Variants in DZANK1 observed in about 807,000 individuals in gnomAD.
The protein encoded by DZANK1 is double zinc ribbon and ankyrin repeat-containing protein 1.
Under a neutral mutation model 94.5 loss-of-function variants are expected in DZANK1, and 91 were observed. The ratio of observed to expected loss-of-function variants is 0.96; its 90% CI spans 0.81 to 1.15. The LOEUF (loss-of-function observed/expected upper bound fraction) is 1.15, where lower values mean the gene tolerates loss of function less well. DZANK1 is among the 50% of genes most tolerant of loss of function. The pLI is 0.00. For missense variants in DZANK1, 903 were observed against 916.4 expected, an observed-to-expected ratio of 0.99 and a Z score of 0.19; for synonymous variants, 312 against 325.3, an observed-to-expected ratio of 0.96 and a Z score of 0.44.
At chr20:18,409,872 A>G (rs1190211048) in intron 13 of DZANK1, among the ~76,000 whole-genome samples, 1 of 152,076 alleles carries the variant, frequency 6.6e-6, no homozygotes, top group Non-Finnish European at 1.5e-5. Context: ...GATCGAGACT[A>G]TTCTGGCTAA....
intron 10 of DZANK1, among the ~76,000 whole-genome samples, chr20:18,419,585 A>G (rs1174852577): frequency 4.6e-5 from 7 of 152,242 alleles, no homozygotes; most frequent in Non-Finnish European, 8.8e-5. Flanking sequence ...TTTGATTTAC[A>G]TTTGACTTTT....
intron 8 of DZANK1, among the ~76,000 whole-genome samples, chr20:18,438,576 T>C (rs1008902119): frequency 2.0e-5 from 3 of 152,180 alleles, no homozygotes; most frequent in Admixed American, 2.0e-4. Context: ...TTAAGAAATA[T>C]TAGCATAGAC....
At chr20:18,422,259 A>C (rs138969158) in intron 10 of DZANK1, among the ~76,000 whole-genome samples, 41 of 152,324 alleles carry the variant, frequency 2.7e-4, no homozygotes, top group African/African-American at 9.1e-4. Flanking sequence ...TTCTGCATGT[A>C]AATATCCAGT....
At chr20:18,463,641 TATC>T (rs1183535119) in intron 2 of DZANK1, among the ~76,000 whole-genome samples, 2 of 152,240 alleles carry the variant, frequency 1.3e-5, no homozygotes, top group Non-Finnish European at 2.9e-5. Flanking sequence ...CTACCATTCA[TATC>T]ATCTTTTGTC....
At chr20:18,453,648 A>G (rs1489135450) in intron 5 of DZANK1, 83 bp downstream of exon 5, 1 of 969,992 alleles carries the variant, frequency 1.0e-6, no homozygotes, top group African/African-American at 1.6e-5. Context: ...TTCTCCAGAC[A>G]AGAAAACATG....
chr20:18,443,251 A>G, intron 8 of DZANK1, 96 bp downstream of exon 8: 1 of 829,586 alleles, frequency 1.2e-6, no homozygotes, highest in Admixed American at 2.2e-5. Context: ...ACAAGTATTT[A>G]TATGTGCAGT....
intron 9 of DZANK1, among the ~76,000 whole-genome samples, chr20:18,427,851 C>T (rs1034860725): frequency 3.3e-5 from 5 of 152,064 alleles, no homozygotes; most frequent in Non-Finnish European, 1.5e-5. Flanking sequence ...GAAAAGACTG[C>T]CAAAGAAAGA....
At chr20:18,445,572 C>T (rs1273435691) in intron 7 of DZANK1, among the ~76,000 whole-genome samples, 1 of 152,134 alleles carries the variant, frequency 6.6e-6, no homozygotes, top group Admixed American at 6.5e-5. Context: ...CCAATCAAAT[C>T]ATATATCTTT....
intron 13 of DZANK1, among the ~76,000 whole-genome samples, chr20:18,399,735 C>A (rs923473848): frequency 6.6e-6 from 1 of 152,194 alleles, no homozygotes; most frequent in Non-Finnish European, 1.5e-5. Context: ...CATATGCAGG[C>A]GGAAGACGCA....
chr20:18,422,799 C>CTTTTTT (rs55683540), intron 10 of DZANK1, among the ~76,000 whole-genome samples: 1,572 of 124,790 alleles, frequency 0.013, 40 homozygotes, highest in Admixed American at 0.032. Flanking sequence ...TGGCTTTGTT[C>CTTTTTT]TTTTTTTTTT....
exon 18 of DZANK1, chr20:18,390,432 C>T (rs778183713): frequency 1.9e-6 from 3 of 1,613,964 alleles, no homozygotes; most frequent in Non-Finnish European, 2.5e-6. Flanking sequence ...GTGGGTCCGA[C>T]TTCCTTCAGC....
intron 8 of DZANK1, among the ~76,000 whole-genome samples, chr20:18,437,116 AT>A (rs1272485800): frequency 1.3e-5 from 2 of 152,182 alleles, no homozygotes; most frequent in Non-Finnish European, 2.9e-5. Flanking sequence ...TATAATAAAT[AT>A]GAGGGCAGAT....
chr20:18,401,282 T>C (rs2056664339), intron 13 of DZANK1, among the ~76,000 whole-genome samples: 1 of 152,122 alleles, frequency 6.6e-6, no homozygotes, highest in Non-Finnish European at 1.5e-5. Context: ...AAAAAAGCAC[T>C]GAGTAAGGAC....
chr20:18,385,260 GA>G (rs1200304508), intron 19 of DZANK1, among the ~76,000 whole-genome samples, 170 bp from the exon 20 acceptor site: 1 of 151,542 alleles, frequency 6.6e-6, no homozygotes, highest in African/African-American at 2.4e-5. Context: ...TACTGTGATG[GA>G]GGGTAAGCTT....
At chr20:18,392,951 C>T (rs1456788175) in intron 17 of DZANK1, among the ~76,000 whole-genome samples, 5 of 152,238 alleles carry the variant, frequency 3.3e-5, no homozygotes, top group South Asian at 4.1e-4. Flanking sequence ...TTAAGGGCTC[C>T]GTGGTGAATA....
intron 2 of DZANK1, among the ~76,000 whole-genome samples, chr20:18,460,855 C>T (rs1009760432): frequency 6.6e-6 from 1 of 152,172 alleles, no homozygotes; most frequent in Non-Finnish European, 1.5e-5. Flanking sequence ...TCTGTACCAG[C>T]ATTGTGCTTT....
intron 15 of DZANK1, chr20:18,394,877 A>G (rs1288514018): frequency 8.8e-6 from 4 of 456,710 alleles, no homozygotes; most frequent in Non-Finnish European, 1.3e-5. Flanking sequence ...TGGAAATAAT[A>G]TGACCTACCT....
rs757988368 is a variant in DZANK1, at chr20:18,438,244, T to G, written c.748-4479A>C. 4.1e-4 allele frequency among the ~76,000 whole-genome samples: 45 copies of G among 109,148 alleles called. No individual in the cohort carries two copies. The South Asian group carries it at 5.5e-3, about 13-fold the overall frequency. The allele number at this position is 109,148 out of a possible 152,430, so 71.6% of individuals were successfully genotyped here. ...AAAAAAAAAAAAAAAAAAAAAGAAA[T>G]AACACAAAAGAAAGCAGTAAACGAG... On this transcript the variant is annotated intron_variant, in intron 8 of 20. Transcript: ENST00000262547.
At position 18,403,681 on chromosome 20, in the gene DZANK1, C is replaced by G. The variant is rs1408231607; in HGVS notation, c.1433-5055G>C. Among the ~76,000 whole-genome samples, 4 of 151,232 alleles carry G rather than the reference C, an allele frequency of 2.6e-5. No individual in the cohort carries two copies. The South Asian group carries it at 8.4e-4, about 32-fold the overall frequency. On this transcript the variant is annotated intron_variant, in intron 13 of 20. Transcript: ENST00000262547. ...GTAAGAAAAATATTCAAACACTGAC[C>G]TAAAAAACAATCCCTGTAAAGCCAG...
Sources: allele counts gnomAD v4.1 joint callset (sites outside exome capture counted in the v4.1 genomes callset), GRCh38; gene constraint gnomAD v4.1.1; transcripts MANE v1.5; gene names NCBI Gene and HGNC (gene_info 2026-07-23, HGNC 2026-07-21).